WNK1: variants seen among roughly 807,000 people sequenced by gnomAD.
WNK1 encodes WNK lysine deficient protein kinase 1.
In WNK1, 38 loss-of-function variants were observed where a neutral mutation model predicts 222.8. The observed-to-expected ratio is 0.17, with a 90% CI of 0.13 to 0.22. The LOEUF is 0.22. Among genes scored for constraint, WNK1 ranks in the 10% least tolerant of loss-of-function variants. WNK1 has a pLI of 1.00. For synonymous variants in WNK1, 1,090 were observed against 1,092.9 expected (o/e 1.00, Z 0.05); for missense variants, 2,348 against 2,918.4 (o/e 0.80, Z 4.50).
At chr12:822,831 A>T (rs1948014798) in intron 2 of WNK1, among the ~76,000 whole-genome samples, 1 of 152,250 alleles carries the variant, frequency 6.6e-6, no homozygotes, top group Admixed American at 6.5e-5. Context: ...TAATATTTAG[A>T]TGTGTGATGG....
Position 907,897 on chromosome 12 carries a change from C to G in WNK1, c.6694C>G (p.Gln2232Glu), listed in dbSNP as rs1052286273. 5.0e-6 allele frequency: 8 copies of G among 1,613,964 alleles called. No homozygotes were observed. In the African/African-American group the frequency reaches 8.0e-5, roughly 16 times the overall value. Residue 2232 changes from glutamine (Q) to glutamate (E), a missense_variant, in exon 27 of 28, where the codon CAA (glutamine) becomes GAA (glutamate). Around this residue, in one of 13 missense-constraint regions of WNK1, gnomAD observed 1,144 missense variants for 1,273.6 expected, o/e 0.90. Coordinates refer to ENST00000315939, the MANE Select transcript of WNK1 (RefSeq NM_018979.4). ...GGCAACAGTGAACAGCCAAGCCGCCCAAGCTCAGCCTCCTGCCATGACGTC... is the reference window on the plus strand; with the variant it reads ...GGCAACAGTGAACAGCCAAGCCGCCGAAGCTCAGCCTCCTGCCATGACGTC... ...VGATVNSQAA[Q>E]AQPPAMTSSR...
At chr12:864,271 C>T (rs1365230666) in intron 8 of WNK1, among the ~76,000 whole-genome samples, 1 of 151,964 alleles carries the variant, frequency 6.6e-6, no homozygotes, top group Non-Finnish European at 1.5e-5. Context: ...CCACGCCCAG[C>T]TAATTTTTGT....
chr12:904,816 A>G (rs1955563916), intron 26 of WNK1, among the ~76,000 whole-genome samples: 1 of 152,090 alleles, frequency 6.6e-6, no homozygotes, highest in African/African-American at 2.4e-5. Context: ...TATTACCCCA[A>G]CTGGAAACTC....
intron 1 of WNK1, among the ~76,000 whole-genome samples, chr12:804,434 G>A (rs927268727): frequency 7.0e-6 from 1 of 142,904 alleles, no homozygotes; most frequent in Non-Finnish European, 1.5e-5. Context: ...TTTTTTTGGC[G>A]CGATCTCAGC....
In WNK1 at chr12:894,340, T is replaced by C. The variant is rs186230875; in HGVS notation, c.5510-222T>C. Among the ~76,000 whole-genome samples the C allele has an allele frequency of 3.2e-4, 48 of 152,354 alleles. No homozygotes were observed. The Middle Eastern group carries it at 0.01, about 32-fold the overall frequency. On this transcript the variant is annotated intron_variant, in intron 22 of 27. Transcript: ENST00000315939. ...TAAAGCCTGTTAACCTTTGTTTTTA[T>C]AGTATATGTTAATGTTGTAGTTGGT...
intron 1 of WNK1, among the ~76,000 whole-genome samples, chr12:799,267 C>T (rs2189763): frequency 0.14 from 20,684 of 151,578 alleles, 1,603 homozygotes; most frequent in Middle Eastern, 0.19. Context: ...AGACCTCAGG[C>T]GTGCACCACC....
At chr12:887,379 T>A in intron 20 of WNK1, 75 bp downstream of exon 20, 1 of 1,464,778 alleles carries the variant, frequency 6.8e-7, no homozygotes. Flanking sequence ...CTCCACTACG[T>A]GGTCTTGGCT....
At chr12:882,474 C>T (rs1195371832) in intron 14 of WNK1, among the ~76,000 whole-genome samples, 2 of 152,206 alleles carry the variant, frequency 1.3e-5, no homozygotes, top group African/African-American at 4.8e-5. Context: ...ACTGGGATTA[C>T]AGGCACCCAG....
At position 879,911 on chromosome 12, in the gene WNK1, T is replaced by G; in HGVS notation, c.2712T>G (p.Thr904=). ...SQLPTLLQPV[T]QLPSQVHPQL... is the part of the protein sequence containing the mutation. ...TTCCAACCCTTCTGCAGCCTGTGAC[T>G]CAGCTGCCAAGTCAGGTTCACCCAC... is the stretch of plus-strand genomic sequence containing the variant. Residue 904 remains threonine (T), a synonymous_variant, in exon 11 of 28, where the codon ACT becomes ACG. Transcript: ENST00000315939. 6.2e-7 allele frequency: 1 copy of G among 1,614,104 alleles called. No individual in the cohort carries two copies. Among genetic ancestry groups the G allele is most frequent in the Admixed American group, 1.7e-5 (1 of 60,022 alleles).
At position 891,090 on chromosome 12, in the gene WNK1, A is replaced by G. The variant is rs1426676368; in HGVS notation, c.5509+577A>G. ...ATAATAAAGATTACTACCAATAAAA[A>G]GAGAATGTAGAATATGAAAAAGGTA... On this transcript the variant is annotated intron_variant, in intron 22 of 27. Transcript: ENST00000315939. Among the ~76,000 whole-genome samples, 8 of 152,364 alleles carry G rather than the reference A, an allele frequency of 5.3e-5. No individual in the cohort carries two copies. The South Asian group carries it at 1.7e-3, about 32-fold the overall frequency.
At chr12:801,312 C>T (rs1292499034) in intron 1 of WNK1, among the ~76,000 whole-genome samples, 2 of 152,126 alleles carry the variant, frequency 1.3e-5, no homozygotes, top group African/African-American at 4.8e-5. Context: ...ACGTGTATCG[C>T]TCTTTGGTTG....
At chr12:819,195 TG>T in intron 2 of WNK1, among the ~76,000 whole-genome samples, 1 of 152,208 alleles carries the variant, frequency 6.6e-6, no homozygotes, top group Non-Finnish European at 1.5e-5. Flanking sequence ...TTGGATTGCT[TG>T]TTTTTTTGTT....
At chr12:904,708 G>A (rs1955552873) in intron 26 of WNK1, among the ~76,000 whole-genome samples, 1 of 152,182 alleles carries the variant, frequency 6.6e-6, no homozygotes, top group South Asian at 2.1e-4. Flanking sequence ...TGACAGACAT[G>A]GATTGGTAAT....
intron 2 of WNK1, among the ~76,000 whole-genome samples, chr12:814,970 A>G (rs753339352): frequency 1.3e-5 from 2 of 152,210 alleles, no homozygotes; most frequent in Non-Finnish European, 2.9e-5. Context: ...ACGAACGCTC[A>G]ACCTAGATCC....
intron 4 of WNK1, among the ~76,000 whole-genome samples, chr12:832,416 A>G (rs115359344): frequency 3.8e-4 from 58 of 152,302 alleles, no homozygotes; most frequent in African/African-American, 1.3e-3. Context: ...GGTAGACCAA[A>G]TTTTACCTCT....
intron 8 of WNK1, chr12:865,385 G>A: frequency 6.6e-7 from 1 of 1,525,574 alleles, no homozygotes; most frequent in Non-Finnish European, 8.8e-7. Context: ...GTAAACTTCT[G>A]ACAAATGAAC....
chr12:897,684 A>G lies in WNK1; in HGVS notation c.6448+3A>G, dbSNP rs543881975. The G allele has an allele frequency of 1.9e-6, 3 of 1,614,098 alleles. No homozygotes were observed. Among genetic ancestry groups the G allele is most frequent in the South Asian group, 1.1e-5 (1 of 91,082 alleles). On this transcript the variant is annotated splice_donor_region_variant and intron_variant, in intron 25 of 27. Coordinates refer to ENST00000315939, the MANE Select transcript of WNK1 (RefSeq NM_018979.4). ...GAATAAAAGCCCCCAGCTTTCAGGT[A>G]AAAAGCCCTGGACTAGGTCAGCCAC... is the stretch of plus-strand genomic sequence containing the variant.
In WNK1 at chr12:885,943, A is replaced by G. The variant is rs1217791588; in HGVS notation, c.5139A>G (p.Pro1713=). ...CTACCACAAGTACTTGCTTACCACC[A>G]ACCAATTTACCACTAGGAACAGTTG... ...LTSTTSTCLP[P]TNLPLGTVAL... The change falls in exon 19 of 28, where the codon CCA becomes CCG. Residue 1713 remains proline (P), a synonymous_variant. Transcript: ENST00000315939. 11 of 1,597,066 alleles carry G rather than the reference A, an allele frequency of 6.9e-6. No individual in the cohort carries two copies. Among genetic ancestry groups the G allele is most frequent in the Non-Finnish European group, 5.1e-6 (6 of 1,171,364 alleles).
At chr12:776,641 A>G (rs1943135987) in intron 1 of WNK1, among the ~76,000 whole-genome samples, 1 of 151,764 alleles carries the variant, frequency 6.6e-6, no homozygotes, top group Non-Finnish European at 1.5e-5. Flanking sequence ...CATGTTGGCC[A>G]GGATGGTCTT....
Sources: gnomAD v4.1 joint callset for allele counts (sites outside exome capture counted in the v4.1 genomes callset) on GRCh38, gnomAD v4.1.1 for gene constraint, gnomAD v4.1.1 regional missense constraint, MANE v1.5 for transcripts, NCBI Gene and HGNC (gene_info 2026-07-23, HGNC 2026-07-21) for gene names.